The following ENOX1 variants were observed in gnomAD, a reference collection of about 807,000 sequenced individuals.
ENOX1 encodes the protein candidate growth-related and time keeping constitutive hydroquinone (NADH) oxidase.
In ENOX1, 42 loss-of-function variants were observed where a neutral mutation model predicts 82.5. The ratio of observed to expected loss-of-function variants is 0.51; its 90% CI spans 0.40 to 0.66. The LOEUF (loss-of-function observed/expected upper bound fraction) is 0.66. Among genes scored for constraint, ENOX1 ranks in the 30% least tolerant of loss-of-function variants. The probability of loss-of-function intolerance (pLI) is 0.00; values close to 1 mark genes in which losing one functional copy is unlikely to be tolerated. For missense variants in ENOX1, 608 were observed against 811.6 expected (o/e 0.75, Z 3.05); for synonymous variants, 271 against 282.2 (o/e 0.96, Z 0.40).
intron 7 of ENOX1, 109 bp downstream of exon 7, chr13:43,359,742 C>T (rs2050375878): frequency 9.3e-7 from 1 of 1,069,600 alleles, no homozygotes; most frequent in East Asian, 2.4e-5. Context: ...TTTTCCAGCC[C>T]CAAACTATGA....
chr13:43,400,714 T>C (rs2053447315), intron 5 of ENOX1, among the ~76,000 whole-genome samples: 1 of 152,218 alleles, frequency 6.6e-6, no homozygotes. Context: ...GTGATGTGCA[T>C]AATAATTACA....
At chr13:43,779,928 G>A (rs566996661) in intron 1 of ENOX1, among the ~76,000 whole-genome samples, 18 of 152,186 alleles carry the variant, frequency 1.2e-4, no homozygotes, top group East Asian at 3.9e-4. Context: ...AGGCCAAGGC[G>A]GGCAGATCAC....
At chr13:43,496,709 T>C (rs1293821458) in intron 2 of ENOX1, among the ~76,000 whole-genome samples, 1 of 152,162 alleles carries the variant, frequency 6.6e-6, no homozygotes, top group African/African-American at 2.4e-5. Flanking sequence ...CTTTCTCCTA[T>C]ATGTAACAAA....
intron 2 of ENOX1, among the ~76,000 whole-genome samples, chr13:43,636,649 C>T (rs142679165): frequency 6.6e-6 from 1 of 151,678 alleles, no homozygotes; most frequent in African/African-American, 2.4e-5. Context: ...GAACATTCCA[C>T]CTTGTTTCAC....
At position 43,359,807 on chromosome 13, in the gene ENOX1, A is replaced by G. The variant is rs778508712; in HGVS notation, c.589+44T>C. 1.5e-5 allele frequency: 23 copies of G among 1,565,796 alleles called. No homozygotes were observed. In the Admixed American group the frequency reaches 2.0e-4, roughly 14 times the overall value. ...AATAAGCTCATATTAACATCACAAA[A>G]CATAACAAAATGCCTAGAAAACTCC... On this transcript the variant is annotated intron_variant, in intron 7 of 16. Transcript: ENST00000690772.
At chr13:43,705,607 G>A (rs1594486971) in intron 1 of ENOX1, among the ~76,000 whole-genome samples, 1 of 152,046 alleles carries the variant, frequency 6.6e-6, no homozygotes, top group Admixed American at 6.5e-5. Context: ...TAATGACAAG[G>A]GGGTGTTACT....
At chr13:43,764,446 T>C (rs1951157124) in intron 1 of ENOX1, among the ~76,000 whole-genome samples, 1 of 152,218 alleles carries the variant, frequency 6.6e-6, no homozygotes, top group East Asian at 1.9e-4. Context: ...GGAAACACTT[T>C]ATTTCAAATC....
At chr13:43,685,567 G>T (rs1317809434) in intron 1 of ENOX1, among the ~76,000 whole-genome samples, 1 of 151,980 alleles carries the variant, frequency 6.6e-6, no homozygotes, top group African/African-American at 2.4e-5. Context: ...CCTAAAATAG[G>T]TAAGGCCTGA....
At chr13:43,655,034 C>T (rs1049740036) in intron 2 of ENOX1, among the ~76,000 whole-genome samples, 1 of 152,206 alleles carries the variant, frequency 6.6e-6, no homozygotes. Flanking sequence ...TTTCTTCACT[C>T]TGTGACACAG....
At position 43,779,594 on chromosome 13, in the gene ENOX1, C is replaced by G. The variant is rs1037580256; in HGVS notation, c.-285+7058G>C. On this transcript the variant is annotated intron_variant, in intron 1 of 16. Transcript: ENST00000690772. ...CACCAGGCCACATCCCTGAAGATGTCCATTCAGTGGGTCTTGGGTGGGATC... is the reference window on the plus strand; with the variant it reads ...CACCAGGCCACATCCCTGAAGATGTGCATTCAGTGGGTCTTGGGTGGGATC... Among the ~76,000 whole-genome samples, 7 of 152,344 alleles carry G rather than the reference C, an allele frequency of 4.6e-5. No individual in the cohort carries two copies. The South Asian group carries it at 8.3e-4, about 18-fold the overall frequency.
chr13:43,713,060 A>G (rs1471561316), intron 1 of ENOX1, among the ~76,000 whole-genome samples: 5 of 152,134 alleles, frequency 3.3e-5, no homozygotes, highest in Admixed American at 3.3e-4. Flanking sequence ...TGTCATAGAT[A>G]GCTCTTATTA....
chr13:43,599,412 T>C (rs1438163075), intron 2 of ENOX1, among the ~76,000 whole-genome samples: 1 of 151,944 alleles, frequency 6.6e-6, no homozygotes, highest in East Asian at 2.0e-4. Context: ...AACTCAGTGC[T>C]GCCCTGTCAC....
chr13:43,294,922 A>G (rs2046206420), intron 12 of ENOX1, among the ~76,000 whole-genome samples: 1 of 152,180 alleles, frequency 6.6e-6, no homozygotes, highest in African/African-American at 2.4e-5. Flanking sequence ...TGGAAAAATA[A>G]AAGCTATAAG....
chr13:43,579,073 T>C (rs996133724), intron 2 of ENOX1, among the ~76,000 whole-genome samples: 1 of 152,186 alleles, frequency 6.6e-6, no homozygotes, highest in South Asian at 2.1e-4. Context: ...AGTCTCATCA[T>C]TAAAATCAAG....
At chr13:43,595,836 T>C (rs2081445425) in intron 2 of ENOX1, among the ~76,000 whole-genome samples, 1 of 152,220 alleles carries the variant, frequency 6.6e-6, no homozygotes, top group Non-Finnish European at 1.5e-5. Flanking sequence ...TCTGTTCTTT[T>C]CTTTACCAGT....
chr13:43,455,216 G>A (rs1427836671), intron 3 of ENOX1, among the ~76,000 whole-genome samples: 1 of 152,172 alleles, frequency 6.6e-6, no homozygotes, highest in Non-Finnish European at 1.5e-5. Flanking sequence ...TAAGTAAAAT[G>A]TAATTTTCCC....
chr13:43,474,158 T>A (rs558057782), intron 3 of ENOX1, among the ~76,000 whole-genome samples: 1 of 152,252 alleles, frequency 6.6e-6, no homozygotes, highest in Admixed American at 6.5e-5. Context: ...GCAAAACTCA[T>A]AGGGGAAAAT....
intron 3 of ENOX1, among the ~76,000 whole-genome samples, chr13:43,435,956 T>C (rs1487792917): frequency 6.8e-6 from 1 of 146,378 alleles, no homozygotes; most frequent in South Asian, 2.1e-4. Context: ...CCAACCTATG[T>C]GGGAAGAGAG....
At chr13:43,655,685 C>T (rs1407789154) in intron 2 of ENOX1, among the ~76,000 whole-genome samples, 1 of 152,138 alleles carries the variant, frequency 6.6e-6, no homozygotes, top group African/African-American at 2.4e-5. Flanking sequence ...CTTTGATTCT[C>T]CTCTTCCTGG....
Sources: allele counts gnomAD v4.1 joint callset (sites outside exome capture counted in the v4.1 genomes callset), GRCh38; gene constraint gnomAD v4.1.1; transcripts MANE v1.5; gene names NCBI Gene and HGNC (gene_info 2026-07-23, HGNC 2026-07-21).